The following LYPLAL1 variants were observed in gnomAD, a reference collection of about 807,000 sequenced individuals.
LYPLAL1 encodes the protein lysophospholipase-like protein 1.
Under a neutral mutation model 19.7 loss-of-function variants are expected in LYPLAL1, and 23 were observed. The observed-to-expected ratio is 1.17, with a 90% CI of 0.84 to 1.65. The LOEUF (loss-of-function observed/expected upper bound fraction) is 1.65, where lower values mean the gene tolerates loss of function less well. LYPLAL1 is among the 40% of genes most tolerant of loss of function. The pLI is 0.00. For missense variants in LYPLAL1, 355 were observed against 279.4 expected (o/e 1.27, Z -1.93); for synonymous variants, 119 against 96.3 (o/e 1.24, Z -1.38).
the LYPLAL1 span, among the ~76,000 whole-genome samples, chr1:219,337,311 C>T: frequency 1.3e-5 from 2 of 151,884 alleles, no homozygotes; most frequent in African/African-American, 4.8e-5. Context: ...TTCCATCTAG[C>T]ACAAAGATTG....
the LYPLAL1 span, among the ~76,000 whole-genome samples, chr1:219,412,156 C>T: frequency 1.1e-4 from 17 of 152,138 alleles, no homozygotes; most frequent in South Asian, 6.2e-4. Flanking sequence ...TCAAGGGATC[C>T]TCTTGTCTCA....
the LYPLAL1 span, among the ~76,000 whole-genome samples, chr1:219,419,594 C>CACACACACAGAG: frequency 6.7e-4 from 67 of 99,594 alleles, no homozygotes; most frequent in South Asian, 1.2e-3. Context: ...CACACACACA[C>CACACACACAGAG]AGAGAGAGAG....
At chr1:219,338,047 A>G in the LYPLAL1 span, among the ~76,000 whole-genome samples, 1 of 151,968 alleles carries the variant, frequency 6.6e-6, no homozygotes. Context: ...AGTTCACCTA[A>G]ATTTTGATGA....
In LYPLAL1 at chr1:219,211,561, C is replaced by A. The variant is rs1018603028; in HGVS notation, c.547C>A (p.Leu183Ile). The change falls in exon 5 of 5, where the codon CTT becomes ATT. Residue 183 changes from leucine (L) to isoleucine (I), a missense_variant. Transcript: ENST00000366928. Reference sequence around the variant, plus strand: ...TCATGGTACTGCAGATGAGTTAGTTCTTCATTCTTGGGCAGAAGAGACAAA... The same window carrying A: ...TCATGGTACTGCAGATGAGTTAGTTATTCATTCTTGGGCAGAAGAGACAAA... ...QCHGTADELVLHSWAEETNSM... is the reference protein window; with the variant it reads ...QCHGTADELVIHSWAEETNSM... 7 of 1,613,116 alleles carry A rather than the reference C, an allele frequency of 4.3e-6. No homozygotes were observed. In the South Asian group the frequency reaches 5.5e-5, roughly 13 times the overall value.
Position 219,173,980 on chromosome 1 carries a change from A to T in LYPLAL1, c.90A>T (p.Ser30=). The T allele has an allele frequency of 6.2e-7, 1 of 1,614,080 alleles. No homozygotes were observed. Among genetic ancestry groups the T allele is most frequent in the Non-Finnish European group, 8.5e-7 (1 of 1,179,962 alleles). ...CCTCTCTGATCTTCCTGCATGGCTC[A>T]GGTGGATTTCAATTTTACGTCCTGG... is the stretch of plus-strand genomic sequence containing the variant. ...HSASLIFLHG[S]GDSGQGLRMW... is the part of the protein sequence containing the mutation. Residue 30 remains serine (S), a splice_region_variant and synonymous_variant, in exon 1 of 5, where the codon TCA becomes TCT. Coordinates refer to ENST00000366928, the MANE Select transcript of LYPLAL1 (RefSeq NM_138794.5).
At chr1:219,227,769 G>A in the LYPLAL1 span, among the ~76,000 whole-genome samples, 2,364 of 152,220 alleles carry the variant, frequency 0.016, 73 homozygotes, top group African/African-American at 0.054. Flanking sequence ...TTTTCTTAAC[G>A]GAGAACAGTA....
At chr1:219,363,627 A>C in the LYPLAL1 span, among the ~76,000 whole-genome samples, 1 of 152,120 alleles carries the variant, frequency 6.6e-6, no homozygotes, top group Non-Finnish European at 1.5e-5. Context: ...GGTAAAACTT[A>C]TTCTTCTTCC....
the LYPLAL1 span, among the ~76,000 whole-genome samples, chr1:219,289,794 G>A: frequency 4.2e-4 from 64 of 152,310 alleles, no homozygotes; most frequent in African/African-American, 1.5e-3. Flanking sequence ...GTTCAGAAAA[G>A]TTAAATAAAT....
the LYPLAL1 span, among the ~76,000 whole-genome samples, chr1:219,380,676 A>G: frequency 6.6e-6 from 1 of 152,236 alleles, no homozygotes; most frequent in Non-Finnish European, 1.5e-5. Context: ...AATGGTCTGA[A>G]ATCTTCCTTG....
At chr1:219,327,744 C>T in the LYPLAL1 span, among the ~76,000 whole-genome samples, 1 of 152,112 alleles carries the variant, frequency 6.6e-6, no homozygotes, top group South Asian at 2.1e-4. Flanking sequence ...CCATACTATT[C>T]TCTTAGTAGT....
intron 2 of LYPLAL1, among the ~76,000 whole-genome samples, chr1:219,183,424 A>G (rs1005122873): frequency 6.6e-6 from 1 of 152,138 alleles, no homozygotes; most frequent in African/African-American, 2.4e-5. Flanking sequence ...AAGTTCTAAC[A>G]TGTTTCTTTA....
At chr1:219,436,741 C>T in the LYPLAL1 span, among the ~76,000 whole-genome samples, 1 of 152,080 alleles carries the variant, frequency 6.6e-6, no homozygotes, top group Non-Finnish European at 1.5e-5. Flanking sequence ...TTATGAAGAG[C>T]GTTGAGTTAA....
At chr1:219,301,699 T>C in the LYPLAL1 span, among the ~76,000 whole-genome samples, 2 of 152,158 alleles carry the variant, frequency 1.3e-5, no homozygotes, top group Non-Finnish European at 2.9e-5. Context: ...CATAACCCTA[T>C]TCAATAAGAT....
downstream of LYPLAL1, among the ~76,000 whole-genome samples, chr1:219,217,194 G>A (rs1442667403): frequency 2.0e-5 from 3 of 152,090 alleles, no homozygotes. Context: ...TTTGCCTTAA[G>A]AGTAGCATAC....
chr1:219,196,723 A>T (rs73096786), intron 3 of LYPLAL1, among the ~76,000 whole-genome samples: 1 of 152,306 alleles, frequency 6.6e-6, no homozygotes, highest in African/African-American at 2.4e-5. Flanking sequence ...CTATTTGCAA[A>T]TGACATGATC....
At chr1:219,395,057 C>T in the LYPLAL1 span, among the ~76,000 whole-genome samples, 8 of 152,184 alleles carry the variant, frequency 5.3e-5, no homozygotes, top group East Asian at 1.3e-3. Flanking sequence ...AATGTCTTTG[C>T]TACTGTGAAT....
At chr1:219,290,085 C>G in the LYPLAL1 span, among the ~76,000 whole-genome samples, 14 of 152,216 alleles carry the variant, frequency 9.2e-5, no homozygotes, top group Admixed American at 6.5e-5. Context: ...AAATGTCAGC[C>G]TTGGAGAAAC....
the LYPLAL1 span, chr1:219,409,851 C>A: frequency 1.9e-4 from 29 of 152,254 alleles, no homozygotes; most frequent in African/African-American, 6.8e-4. Context: ...GAGTCTGGGA[C>A]AGACCATCTA....
At chr1:219,419,588 C>CAGAGAGAGAG in the LYPLAL1 span, among the ~76,000 whole-genome samples, 3 of 75,886 alleles carry the variant, frequency 4.0e-5, no homozygotes, top group African/African-American at 1.2e-4. Context: ...CACACACACA[C>CAGAGAGAGAG]ACACACAGAG....
Sources: allele counts gnomAD v4.1 joint callset (sites outside exome capture counted in the v4.1 genomes callset), GRCh38; gene constraint gnomAD v4.1.1; transcripts MANE v1.5; gene names NCBI Gene and HGNC (gene_info 2026-07-23, HGNC 2026-07-21).